DCP1B: variants seen among roughly 807,000 people sequenced by gnomAD.
DCP1B encodes the protein decapping mRNA 1B, also known as mRNA-decapping enzyme 1B.
A neutral mutation model predicts 60.5 loss-of-function variants in DCP1B; 47 were observed. The observed-to-expected ratio is 0.78, with a 90% CI of 0.61 to 0.99. The LOEUF (loss-of-function observed/expected upper bound fraction) is 0.99. Ranked by LOEUF, DCP1B falls within the 50% of genes least tolerant of loss-of-function variation. The pLI, the probability that DCP1B is intolerant of heterozygous loss-of-function variation, is 0.00. For synonymous variants in DCP1B, 267 were observed against 280.3 expected (o/e 0.95, Z 0.47); for missense variants, 725 against 756.8 (o/e 0.96, Z 0.49).
intron 1 of DCP1B, 136 bp from the exon 2 acceptor site, chr12:1,998,111 A>T: frequency 1.5e-6 from 1 of 667,480 alleles, no homozygotes; most frequent in Non-Finnish European, 2.4e-6. Flanking sequence ...AGTTATTCTC[A>T]GGAAAAGGAG....
At position 1,965,748 on chromosome 12, in the gene DCP1B, T is replaced by C. The variant is rs1321109037; in HGVS notation, c.387-55A>G. On this transcript the variant is annotated intron_variant, in intron 4 of 8. Coordinates refer to ENST00000280665, the MANE Select transcript of DCP1B (RefSeq NM_152640.5). ...AGAAAAGCCAATTCAACACAAACAA[T>C]GTTTAAAACCATCCCAATTCTCACC... The C allele has an allele frequency of 2.3e-5, 36 of 1,552,636 alleles. 1 individual carries two copies. Among genetic ancestry groups the C allele is most frequent in the Non-Finnish European group, 2.9e-5 (33 of 1,152,330 alleles).
Position 1,946,235 on chromosome 12 carries a change from T to A in DCP1B, c.1825A>T (p.Thr609Ser), listed in dbSNP as rs140587731. 177 of 1,606,800 alleles carry A rather than the reference T, an allele frequency of 1.1e-4. No individual in the cohort carries two copies. In the Middle Eastern group the frequency reaches 2.3e-3, roughly 21 times the overall value. Residue 609 changes from threonine (T) to serine (S), a missense_variant, in exon 9 of 9, where the codon ACT becomes TCT. Thr to Ser is a moderately conservative substitution (Grantham distance 58). Coordinates refer to ENST00000280665, the MANE Select transcript of DCP1B (RefSeq NM_152640.5). ...IIYEAYLFSM[T>S]QAAMKKTM ...ATAGTCTTTTTCATGGCTGCTTGAG[T>A]CATGCTGAAGAGATAGGCTTCATAG...
intron 3 of DCP1B, chr12:1,991,542 G>GT (rs1325292300): frequency 2.5e-5 from 6 of 236,698 alleles, no homozygotes; most frequent in East Asian, 1.2e-4. Context: ...AATAATTGAG[G>GT]TTTTTTCCTT....
At chr12:1,959,568 A>G (rs763813351) in intron 5 of DCP1B, among the ~76,000 whole-genome samples, 5 of 152,240 alleles carry the variant, frequency 3.3e-5, no homozygotes, top group Non-Finnish European at 7.3e-5. Context: ...AATGTCTACC[A>G]TCAAAAAGGC....
chr12:2,002,369 C>A (rs904102632), intron 1 of DCP1B, among the ~76,000 whole-genome samples: 2 of 152,200 alleles, frequency 1.3e-5, no homozygotes, highest in Non-Finnish European at 2.9e-5. Context: ...AACTAGGTCT[C>A]TCTGTTTTTC....
intron 2 of DCP1B, among the ~76,000 whole-genome samples, chr12:1,994,668 T>C (rs949575436): frequency 7.2e-5 from 11 of 152,158 alleles, no homozygotes; most frequent in African/African-American, 2.7e-4. Context: ...AAGGAAGGCA[T>C]GGGAGGAAAT....
chr12:2,004,454 G>A lies in DCP1B; in HGVS notation c.-23C>T. ...CATCTTCCCTCCCTCCCAGACATAG[G>A]CACGGGGCTCTTGGAAGCCACTCTC... On this transcript the variant is annotated 5_prime_UTR_variant, in exon 1 of 9. Coordinates refer to ENST00000280665, the MANE Select transcript of DCP1B (RefSeq NM_152640.5). 1.9e-6 allele frequency: 3 copies of A among 1,593,842 alleles called. No individual in the cohort carries two copies. Among genetic ancestry groups the A allele is most frequent in the Non-Finnish European group, 2.6e-6 (3 of 1,170,494 alleles).
chr12:2,002,033 G>A (rs900621462), intron 1 of DCP1B, among the ~76,000 whole-genome samples: 1 of 152,214 alleles, frequency 6.6e-6, no homozygotes, highest in Non-Finnish European at 1.5e-5. Flanking sequence ...CCTGGCAACA[G>A]GGAGTAGGTC....
intron 8 of DCP1B, 69 bp from the exon 9 acceptor site, chr12:1,946,355 T>G: frequency 7.8e-7 from 1 of 1,287,556 alleles, no homozygotes; most frequent in Non-Finnish European, 1.1e-6. Context: ...TTCCTCTGTC[T>G]TAGAGCTGAA....
chr12:1,969,666 T>C (rs1346450127), intron 3 of DCP1B, among the ~76,000 whole-genome samples: 1 of 151,738 alleles, frequency 6.6e-6, no homozygotes, highest in East Asian at 1.9e-4. Context: ...TGAAACTTCA[T>C]ATTCAAGGTT....
rs764238237 is a variant in DCP1B, at chr12:1,952,955, T to TA, written c.984dup (p.Thr329TyrfsTer42). 1 of 1,614,122 alleles carries TA rather than the reference T, an allele frequency of 6.2e-7. No homozygotes were observed. ...GGAGACCCTGGCTGGACAGGTCCTG[T>TA]AAAAAATTCTCCCGCAGAATGGGTA... is the stretch of plus-strand genomic sequence containing the variant. On this transcript the variant is annotated frameshift_variant, in exon 7 of 9. Transcript: ENST00000280665. LOFTEE classifies it high-confidence loss of function.
chr12:1,952,821 T>G lies in DCP1B; in HGVS notation c.1119A>C (p.Thr373=), dbSNP rs1592779427. ...PGAANKCDPS[T]PAPASSAALN... ...GGGCAGCTGAGCTGGCAGGTGCTGG[T>G]GTACTAGGGTCACACTTGTTTGCTG... is the stretch of plus-strand genomic sequence containing the variant. The change falls in exon 7 of 9, where the codon ACA becomes ACC. Residue 373 remains threonine, a synonymous_variant. Coordinates refer to ENST00000280665, the MANE Select transcript of DCP1B (RefSeq NM_152640.5). 1 of 1,614,174 alleles carries G rather than the reference T, an allele frequency of 6.2e-7. No individual in the cohort carries two copies. The highest frequency in any genetic ancestry group is 1.3e-5 in the African/African-American group (1 of 75,052).
intron 3 of DCP1B, among the ~76,000 whole-genome samples, chr12:1,984,026 G>T (rs963865160): frequency 6.6e-6 from 1 of 151,580 alleles, no homozygotes; most frequent in Non-Finnish European, 1.5e-5. Context: ...CATCTACTTT[G>T]TCTGATGTTA....
At chr12:1,961,921 G>A (rs1231387652) in intron 5 of DCP1B, among the ~76,000 whole-genome samples, 1 of 152,124 alleles carries the variant, frequency 6.6e-6, no homozygotes, top group Non-Finnish European at 1.5e-5. Flanking sequence ...TTATGTGATG[G>A]TCACTCAAGT....
At chr12:1,977,198 T>G (rs1011207054) in intron 3 of DCP1B, among the ~76,000 whole-genome samples, 1 of 152,160 alleles carries the variant, frequency 6.6e-6, no homozygotes, top group Non-Finnish European at 1.5e-5. Flanking sequence ...TTGGAAGAGC[T>G]TTTATTCCTC....
At chr12:1,964,718 C>A (rs1003616844) in intron 5 of DCP1B, among the ~76,000 whole-genome samples, 4 of 152,132 alleles carry the variant, frequency 2.6e-5, no homozygotes, top group African/African-American at 9.7e-5. Context: ...TTTATCATAT[C>A]CTAGATTTCA....
rs370638572 is a variant in DCP1B at position 1,968,824 on chromosome 12, G to A, written c.320-914C>T. Among the ~76,000 whole-genome samples the A allele has an allele frequency of 3.9e-5, 6 of 152,278 alleles. 1 individual carries two copies. The highest frequency in any genetic ancestry group is 1.4e-4 in the African/African-American group (6 of 41,560). On this transcript the variant is annotated intron_variant, in intron 3 of 8. Transcript: ENST00000280665. ...CTGCTGAAAGATTAGATATGACTATGATTTCCTCATTTAGTAATGAAAGAA... is the reference window on the plus strand; with the variant it reads ...CTGCTGAAAGATTAGATATGACTATAATTTCCTCATTTAGTAATGAAAGAA...
At chr12:1,987,754 T>C (rs985357021) in intron 3 of DCP1B, among the ~76,000 whole-genome samples, 3 of 152,214 alleles carry the variant, frequency 2.0e-5, no homozygotes, top group African/African-American at 7.2e-5. Flanking sequence ...TCCAATATAA[T>C]GCTTTCATAT....
chr12:1,976,221 G>T (rs965182394), intron 3 of DCP1B, among the ~76,000 whole-genome samples: 1 of 152,122 alleles, frequency 6.6e-6, no homozygotes, highest in Non-Finnish European at 1.5e-5. Flanking sequence ...CACAGTAGAC[G>T]TATAACCCTT....
Sources: gnomAD v4.1 joint callset for allele counts (sites outside exome capture counted in the v4.1 genomes callset) on GRCh38, gnomAD v4.1.1 for gene constraint, MANE v1.5 for transcripts, NCBI Gene and HGNC (gene_info 2026-07-23, HGNC 2026-07-21) for gene names.